The following RPIA variants were observed in gnomAD, a reference collection of about 807,000 sequenced individuals.
RPIA encodes ribose 5-phosphate isomerase A.
In RPIA, 29 loss-of-function variants were observed where a neutral mutation model predicts 37.8. The observed-to-expected ratio is 0.77, with a 90% CI of 0.57 to 1.05. The LOEUF is 1.05. Among genes scored for constraint, RPIA ranks in the 50% least tolerant of loss-of-function variants. The pLI, the probability that RPIA is intolerant of heterozygous loss-of-function variation, is 0.00. For synonymous variants in RPIA, 167 were observed against 157.0 expected, an observed-to-expected ratio of 1.06 and a Z score of -0.48; for missense variants, 385 against 413.6, an observed-to-expected ratio of 0.93 and a Z score of 0.60.
At chr2:88,727,120 TGTGTGCGCATGCGA>T (rs1395088303) in intron 3 of RPIA, among the ~76,000 whole-genome samples, 2 of 151,830 alleles carry the variant, frequency 1.3e-5, no homozygotes, top group Non-Finnish European at 2.9e-5. Flanking sequence ...TGCGCGTGCA[TGTGTGCGCATGCGA>T]GAGAGAGGAG....
intron 3 of RPIA, among the ~76,000 whole-genome samples, chr2:88,716,596 A>G (rs1390600507): frequency 6.6e-6 from 1 of 152,196 alleles, no homozygotes; most frequent in Non-Finnish European, 1.5e-5. Flanking sequence ...TCCAGACTGG[A>G]AAATGCTGGC....
chr2:88,726,762 GAA>G (rs1475104228), intron 3 of RPIA, among the ~76,000 whole-genome samples: 1 of 152,118 alleles, frequency 6.6e-6, no homozygotes, highest in Non-Finnish European at 1.5e-5. Context: ...TTGTTTTTGA[GAA>G]AGAGTCTTGC....
intron 8 of RPIA, among the ~76,000 whole-genome samples, chr2:88,749,003 G>A (rs1673470720): frequency 6.6e-6 from 1 of 152,178 alleles, no homozygotes; most frequent in Non-Finnish European, 1.5e-5. Context: ...CAAAGTGCTG[G>A]GATTATAGGC....
intron 8 of RPIA, among the ~76,000 whole-genome samples, chr2:88,743,632 T>C (rs529354158): frequency 6.6e-5 from 10 of 152,334 alleles, no homozygotes; most frequent in African/African-American, 9.6e-5. Context: ...TTTGAATGTC[T>C]GATAGAATTC....
At chr2:88,744,689 A>G (rs1673421256) in intron 8 of RPIA, among the ~76,000 whole-genome samples, 1 of 152,198 alleles carries the variant, frequency 6.6e-6, no homozygotes, top group Non-Finnish European at 1.5e-5. Flanking sequence ...TATTAGGTGC[A>G]TATATATTTA....
chr2:88,699,949 T>C (rs780468056), intron 2 of RPIA, 60 bp from the exon 3 acceptor site: 9 of 1,561,236 alleles, frequency 5.8e-6, no homozygotes, highest in African/African-American at 1.4e-5. Flanking sequence ...CAAACACATA[T>C]GACAAGAAGA....
chr2:88,704,082 C>A (rs146392096), intron 3 of RPIA, among the ~76,000 whole-genome samples: 1 of 152,192 alleles, frequency 6.6e-6, no homozygotes, highest in Non-Finnish European at 1.5e-5. Context: ...TTTTCCATAT[C>A]GCTATCAGCA....
chr2:88,744,678 G>T (rs1294730670), intron 8 of RPIA, among the ~76,000 whole-genome samples: 1 of 152,138 alleles, frequency 6.6e-6, no homozygotes, highest in Non-Finnish European at 1.5e-5. Context: ...GCGAGCTTTA[G>T]TATTAGGTGC....
chr2:88,718,254 A>G (rs995489596), intron 3 of RPIA, among the ~76,000 whole-genome samples: 1 of 152,168 alleles, frequency 6.6e-6, no homozygotes, highest in Non-Finnish European at 1.5e-5. Flanking sequence ...CTAGTTTCCC[A>G]TTTTTACTAA....
chr2:88,720,979 T>C (rs1673114158), intron 3 of RPIA, among the ~76,000 whole-genome samples: 2 of 152,252 alleles, frequency 1.3e-5, no homozygotes, highest in South Asian at 4.1e-4. Flanking sequence ...TGCCCATCAA[T>C]AATAGACTGG....
At chr2:88,721,476 ATTGT>A (rs1673126550) in intron 3 of RPIA, among the ~76,000 whole-genome samples, 1 of 146,536 alleles carries the variant, frequency 6.8e-6, no homozygotes, top group Non-Finnish European at 1.5e-5. Context: ...ATATTAGTAT[ATTGT>A]TTTATTATTA....
At chr2:88,749,242 A>G (rs751882435) in intron 8 of RPIA, among the ~76,000 whole-genome samples, 5 of 152,206 alleles carry the variant, frequency 3.3e-5, no homozygotes, top group Admixed American at 2.6e-4. Flanking sequence ...CTCAGCTTTC[A>G]CCATCAATGC....
At chr2:88,720,252 GT>G (rs35794162) in intron 3 of RPIA, among the ~76,000 whole-genome samples, 42,903 of 151,730 alleles carry the variant, frequency 0.28, 6,215 homozygotes, top group Admixed American at 0.32. Context: ...ATTTGTCTCA[GT>G]TTTTTTTCGT....
intron 3 of RPIA, among the ~76,000 whole-genome samples, chr2:88,728,210 TTTA>T (rs565040230): frequency 8.5e-4 from 129 of 152,326 alleles, no homozygotes; most frequent in African/African-American, 3.0e-3. Context: ...TCAAAGTTTT[TTTA>T]TTGTCTTATC....
At chr2:88,701,209 A>G (rs932819060) in intron 3 of RPIA, among the ~76,000 whole-genome samples, 1 of 150,712 alleles carries the variant, frequency 6.6e-6, no homozygotes, top group South Asian at 2.1e-4. Context: ...GTGGATGGCC[A>G]CCCAGGGGAC....
intron 3 of RPIA, among the ~76,000 whole-genome samples, chr2:88,704,972 G>T (rs1672880643): frequency 6.6e-6 from 1 of 152,074 alleles, no homozygotes; most frequent in Non-Finnish European, 1.5e-5. Flanking sequence ...ATTCACAATT[G>T]CTACAAAGAT....
In RPIA at chr2:88,740,397, A is replaced by G. The variant is rs150216155; in HGVS notation, c.838+2321A>G. Reference sequence around the variant, plus strand: ...TATTAAATCATATAATGTGATATCTACAGGACAATCAGAGTGGTTTGCTGT... The same window carrying G: ...TATTAAATCATATAATGTGATATCTGCAGGACAATCAGAGTGGTTTGCTGT... On this transcript the variant is annotated intron_variant, in intron 8 of 8. Coordinates refer to ENST00000283646, the MANE Select transcript of RPIA (RefSeq NM_144563.3). Among the ~76,000 whole-genome samples, 13 of 152,340 alleles carry G rather than the reference A, an allele frequency of 8.5e-5. No individual in the cohort carries two copies. The East Asian group carries it at 2.5e-3, about 29-fold the overall frequency.
intron 3 of RPIA, among the ~76,000 whole-genome samples, chr2:88,717,822 C>T (rs570164118): frequency 1.4e-4 from 22 of 151,978 alleles, no homozygotes; most frequent in African/African-American, 4.6e-4. Flanking sequence ...TTTAGCAGGT[C>T]GTGAAGTCTC....
chr2:88,726,680 A>G (rs750101025), intron 3 of RPIA, among the ~76,000 whole-genome samples: 2 of 152,214 alleles, frequency 1.3e-5, no homozygotes, highest in Non-Finnish European at 2.9e-5. Context: ...AAGGAGAGCC[A>G]ACTCCTTGTC....
Sources: allele counts gnomAD v4.1 joint callset (sites outside exome capture counted in the v4.1 genomes callset), GRCh38; gene constraint gnomAD v4.1.1; transcripts MANE v1.5; gene names NCBI Gene and HGNC (gene_info 2026-07-23, HGNC 2026-07-21).